TAFA2: variants seen among roughly 807,000 people sequenced by gnomAD.
The protein encoded by TAFA2 is TAFA chemokine like family member 2.
Under a neutral mutation model 18.8 loss-of-function variants are expected in TAFA2, and 7 were observed. That is an observed-to-expected ratio of 0.37 (90% confidence interval 0.21 to 0.70). The LOEUF (loss-of-function observed/expected upper bound fraction) is 0.70, where lower values mean the gene tolerates loss of function less well. Among genes scored for constraint, TAFA2 ranks in the 30% least tolerant of loss-of-function variants. TAFA2 has a pLI of 0.53. For missense variants in TAFA2, 122 were observed against 158.1 expected (o/e 0.77, Z 1.23); for synonymous variants, 60 against 54.2 (o/e 1.11, Z -0.47).
chr12:62,224,037 C>G (rs1592408452), intron 1 of TAFA2, among the ~76,000 whole-genome samples: 1 of 149,514 alleles, frequency 6.7e-6, no homozygotes, highest in East Asian at 2.0e-4. Flanking sequence ...ACTCAGGTAT[C>G]CATCAATGGA....
At chr12:62,168,793 C>A (rs181273961) in intron 1 of TAFA2, among the ~76,000 whole-genome samples, 78 of 152,190 alleles carry the variant, frequency 5.1e-4, no homozygotes, top group African/African-American at 1.9e-3. Context: ...GTTATGATTG[C>A]ACCACTGCAC....
intron 1 of TAFA2, among the ~76,000 whole-genome samples, chr12:62,037,230 C>G (rs1484704328): frequency 1.3e-5 from 2 of 152,192 alleles, no homozygotes. Context: ...ACTTACTGTT[C>G]CTTCTCCATC....
At chr12:62,219,178 C>A (rs1433564225) in intron 1 of TAFA2, among the ~76,000 whole-genome samples, 1 of 150,812 alleles carries the variant, frequency 6.6e-6, no homozygotes, top group African/African-American at 2.4e-5. Flanking sequence ...TATGCTCCAG[C>A]TTTGAAAAAA....
intron 1 of TAFA2, among the ~76,000 whole-genome samples, chr12:62,210,187 A>AAAT (rs1386371857): frequency 7.2e-6 from 1 of 138,604 alleles, no homozygotes; most frequent in Non-Finnish European, 1.5e-5. Context: ...CTCTGTCTCT[A>AAAT]AATAAATAAA....
intron 2 of TAFA2, among the ~76,000 whole-genome samples, chr12:61,786,677 T>C (rs760118792): frequency 7.9e-5 from 12 of 151,630 alleles, no homozygotes; most frequent in Non-Finnish European, 1.0e-4. Context: ...AACTACAATG[T>C]ATGTAATGAA....
chr12:61,743,267 A>G (rs1430954968), intron 4 of TAFA2, among the ~76,000 whole-genome samples: 2 of 152,074 alleles, frequency 1.3e-5, no homozygotes, highest in Non-Finnish European at 2.9e-5. Context: ...TCATCCCTTA[A>G]AAGTCACAAA....
chr12:61,850,327 G>A (rs551134326), intron 2 of TAFA2, among the ~76,000 whole-genome samples: 2 of 151,824 alleles, frequency 1.3e-5, no homozygotes, highest in South Asian at 4.2e-4. Flanking sequence ...CCTTTAAGGG[G>A]ATGATCAGTC....
At chr12:62,184,441 T>C (rs999366202) in intron 1 of TAFA2, among the ~76,000 whole-genome samples, 1 of 151,530 alleles carries the variant, frequency 6.6e-6, no homozygotes, top group Admixed American at 6.6e-5. Flanking sequence ...TGTCACGCTA[T>C]ATTATTGCAC....
chr12:61,752,553 T>A (rs1869068149), intron 4 of TAFA2, among the ~76,000 whole-genome samples: 1 of 152,044 alleles, frequency 6.6e-6, no homozygotes, highest in South Asian at 2.1e-4. Flanking sequence ...CAATGGGTTT[T>A]GAAAAGGTGT....
At chr12:61,825,154 G>A (rs758369377) in intron 2 of TAFA2, among the ~76,000 whole-genome samples, 2 of 152,118 alleles carry the variant, frequency 1.3e-5, no homozygotes, top group Non-Finnish European at 2.9e-5. Flanking sequence ...AGCCATCATG[G>A]TTTATTGGAA....
At chr12:61,887,081 T>C (rs1186085431) in intron 1 of TAFA2, among the ~76,000 whole-genome samples, 1 of 152,180 alleles carries the variant, frequency 6.6e-6, no homozygotes, top group South Asian at 2.1e-4. Flanking sequence ...AACTAATAGA[T>C]GTGGATTAAC....
intron 1 of TAFA2, among the ~76,000 whole-genome samples, chr12:62,063,138 C>T (rs1399235526): frequency 6.6e-6 from 1 of 152,036 alleles, no homozygotes; most frequent in South Asian, 2.1e-4. Context: ...AGGACATGGA[C>T]ATATTTGGGG....
chr12:62,123,215 C>G (rs966614102), intron 1 of TAFA2, among the ~76,000 whole-genome samples: 1 of 152,150 alleles, frequency 6.6e-6, no homozygotes, highest in Non-Finnish European at 1.5e-5. Flanking sequence ...TCTCTCTATG[C>G]CCACACTCCA....
At chr12:61,908,732 A>G (rs1462072228) in intron 1 of TAFA2, among the ~76,000 whole-genome samples, 1 of 152,212 alleles carries the variant, frequency 6.6e-6, no homozygotes. Context: ...ATTAAAGAAC[A>G]TGAACCTATT....
chr12:61,968,968 C>G (rs928144937), intron 1 of TAFA2, among the ~76,000 whole-genome samples: 8 of 151,724 alleles, frequency 5.3e-5, no homozygotes, highest in Non-Finnish European at 1.0e-4. Context: ...CACTTTAAGC[C>G]ACAATTTCTT....
chr12:61,836,756 T>TATATATATATATATATATACACAC (rs68158949), intron 2 of TAFA2, among the ~76,000 whole-genome samples: 29 of 119,838 alleles, frequency 2.4e-4, no homozygotes, highest in Non-Finnish European at 4.4e-4. Context: ...TATATATATA[T>TATATATATATATATATATACACAC]ACACACACAC....
At chr12:62,247,194 A>AT (rs1440069144) in intron 1 of TAFA2, among the ~76,000 whole-genome samples, 1 of 152,004 alleles carries the variant, frequency 6.6e-6, no homozygotes, top group African/African-American at 2.4e-5. Flanking sequence ...TGACCCTTAA[A>AT]TTTTTAACAT....
intron 1 of TAFA2, among the ~76,000 whole-genome samples, chr12:62,112,677 G>A (rs530220234): frequency 5.9e-5 from 9 of 151,924 alleles, no homozygotes; most frequent in South Asian, 2.1e-4. Flanking sequence ...GGCTTTCTTC[G>A]TTCCTTTTCA....
At chr12:61,851,348 C>A (rs1055855672) in intron 2 of TAFA2, among the ~76,000 whole-genome samples, 3 of 152,058 alleles carry the variant, frequency 2.0e-5, no homozygotes, top group African/African-American at 7.2e-5. Context: ...GGGAATGTGG[C>A]ATAAAGGGGC....
Sources: gnomAD v4.1 joint callset for allele counts (sites outside exome capture counted in the v4.1 genomes callset) on GRCh38, gnomAD v4.1.1 for gene constraint, MANE v1.5 for transcripts, NCBI Gene and HGNC (gene_info 2026-07-23, HGNC 2026-07-21) for gene names.